CADPS2: variants seen among roughly 807,000 people sequenced by gnomAD.
CADPS2 encodes calcium dependent secretion activator 2, also known as calcium-dependent secretion activator 2.
Under a neutral mutation model 172.5 loss-of-function variants are expected in CADPS2, and 93 were observed. That is an observed-to-expected ratio of 0.54 (90% CI 0.46 to 0.64). CADPS2 has a LOEUF of 0.64. Among genes scored for constraint, CADPS2 ranks in the 30% least tolerant of loss-of-function variants. CADPS2 has a pLI of 0.00. For missense variants in CADPS2, 1,420 were observed against 1,565.9 expected (o/e 0.91, Z 1.57); for synonymous variants, 546 against 555.2 (o/e 0.98, Z 0.23).
At chr7:122,751,463 G>A (rs2092951507) in intron 1 of CADPS2, among the ~76,000 whole-genome samples, 1 of 152,136 alleles carries the variant, frequency 6.6e-6, no homozygotes, top group Non-Finnish European at 1.5e-5. Flanking sequence ...TCCTTCACCT[G>A]ATATCCAGGA....
At position 122,588,121 on chromosome 7, in the gene CADPS2, G is replaced by A. The variant is rs138888258; in HGVS notation, c.1224-6831C>T. Among the ~76,000 whole-genome samples, 94 of 151,868 alleles carry A rather than the reference G, an allele frequency of 6.2e-4. 1 individual carries two copies. The East Asian group carries it at 0.013, about 21-fold the overall frequency. ...AGATTCTGGATATTAGACCTTGCTC[G>A]AATGGATGGATTGCAACGATTTTCT... On this transcript the variant is annotated intron_variant, in intron 6 of 29. Transcript: ENST00000449022.
intron 2 of CADPS2, among the ~76,000 whole-genome samples, chr7:122,704,787 G>A (rs1025349724): frequency 6.6e-6 from 1 of 151,944 alleles, no homozygotes; most frequent in African/African-American, 2.4e-5. Context: ...CAACTTGGGG[G>A]CAATTTTGCC....
At chr7:122,732,687 T>C (rs972495188) in intron 2 of CADPS2, among the ~76,000 whole-genome samples, 41 of 145,080 alleles carry the variant, frequency 2.8e-4, no homozygotes, top group African/African-American at 9.7e-4. Flanking sequence ...AATAAATACA[T>C]ATATTTACAT....
chr7:122,409,958 T>C (rs1330183324), intron 19 of CADPS2, among the ~76,000 whole-genome samples: 3 of 152,186 alleles, frequency 2.0e-5, no homozygotes, highest in Middle Eastern at 3.2e-3. Context: ...CACTAATTAG[T>C]GTAAATGAGA....
intron 17 of CADPS2, among the ~76,000 whole-genome samples, chr7:122,423,073 C>T (rs1029673552): frequency 6.6e-6 from 1 of 152,206 alleles, no homozygotes; most frequent in Non-Finnish European, 1.5e-5. Context: ...TGAATCTTAA[C>T]TCTGATATCA....
At chr7:122,345,310 G>T (rs187740980) in intron 28 of CADPS2, among the ~76,000 whole-genome samples, 21 of 151,956 alleles carry the variant, frequency 1.4e-4, no homozygotes, top group African/African-American at 4.6e-4. Flanking sequence ...ATTTTTTCTT[G>T]TATTTTTAGT....
chr7:122,476,753 T>C (rs2056660824), intron 12 of CADPS2, among the ~76,000 whole-genome samples: 1 of 152,152 alleles, frequency 6.6e-6, no homozygotes, highest in Non-Finnish European at 1.5e-5. Context: ...ATTGTAATTT[T>C]ATGAAAGTGA....
intron 14 of CADPS2, among the ~76,000 whole-genome samples, chr7:122,466,013 TG>T (rs1351084709): frequency 6.6e-6 from 1 of 152,198 alleles, no homozygotes; most frequent in Non-Finnish European, 1.5e-5. Context: ...AAAAACTTAC[TG>T]TGTTAAAAAT....
At chr7:122,788,761 G>A (rs1478053350) in intron 1 of CADPS2, among the ~76,000 whole-genome samples, 2 of 152,158 alleles carry the variant, frequency 1.3e-5, no homozygotes, top group African/African-American at 2.4e-5. Context: ...TTAGGTTCAA[G>A]CAAAGCTTTA....
chr7:122,532,302 T>G (rs1162626844), intron 8 of CADPS2, among the ~76,000 whole-genome samples: 6 of 152,176 alleles, frequency 3.9e-5, no homozygotes, highest in Non-Finnish European at 1.5e-5. Context: ...GTCTTCAGGC[T>G]CATCTATTTA....
intron 1 of CADPS2, among the ~76,000 whole-genome samples, chr7:122,796,884 A>G (rs1220936035): frequency 6.6e-6 from 1 of 152,180 alleles, no homozygotes; most frequent in Non-Finnish European, 1.5e-5. Context: ...TAACTCAACT[A>G]AACAGCCTCT....
At chr7:122,410,291 C>A (rs2047144717) in intron 19 of CADPS2, among the ~76,000 whole-genome samples, 1 of 151,976 alleles carries the variant, frequency 6.6e-6, no homozygotes, top group Admixed American at 6.6e-5. Flanking sequence ...TTGCAGTAAG[C>A]CAAGATCGCG....
intron 8 of CADPS2, among the ~76,000 whole-genome samples, chr7:122,543,059 A>G (rs2063263015): frequency 6.6e-6 from 1 of 151,620 alleles, no homozygotes; most frequent in Non-Finnish European, 1.5e-5. Context: ...GGAAGAATAA[A>G]GTAAGTTATT....
At chr7:122,502,546 G>GTA (rs1285543602) in intron 9 of CADPS2, among the ~76,000 whole-genome samples, 1 of 151,812 alleles carries the variant, frequency 6.6e-6, no homozygotes, top group Non-Finnish European at 1.5e-5. Context: ...TTCACTGGCT[G>GTA]TATATAACAT....
chr7:122,390,421 T>C (rs910972376), intron 22 of CADPS2, among the ~76,000 whole-genome samples: 5 of 152,058 alleles, frequency 3.3e-5, no homozygotes, highest in East Asian at 1.9e-4. Flanking sequence ...CTGAATACAA[T>C]TGGCAAAGAA....
intron 1 of CADPS2, among the ~76,000 whole-genome samples, chr7:122,825,617 T>C (rs1239853993): frequency 1.3e-5 from 2 of 152,208 alleles, no homozygotes; most frequent in East Asian, 1.9e-4. Flanking sequence ...ATATATCTTA[T>C]TATATATTGT....
intron 2 of CADPS2, among the ~76,000 whole-genome samples, chr7:122,689,443 T>C (rs1009655228): frequency 2.6e-5 from 4 of 152,226 alleles, no homozygotes; most frequent in Admixed American, 6.5e-5. Flanking sequence ...CTGTGTGCTC[T>C]GCAAGGGCTG....
At chr7:122,399,994 C>G (rs1051822740) in intron 20 of CADPS2, among the ~76,000 whole-genome samples, 1 of 151,342 alleles carries the variant, frequency 6.6e-6, no homozygotes, top group African/African-American at 2.4e-5. Flanking sequence ...TTCTTGATGC[C>G]CATGGTTTTC....
chr7:122,672,177 CAAT>C (rs746508549), intron 2 of CADPS2, among the ~76,000 whole-genome samples: 1 of 152,184 alleles, frequency 6.6e-6, no homozygotes, highest in African/African-American at 2.4e-5. Context: ...ATGAAACTAA[CAAT>C]GATGGGTTTA....
Sources: gnomAD v4.1 joint callset for allele counts (sites outside exome capture counted in the v4.1 genomes callset) on GRCh38, gnomAD v4.1.1 for gene constraint, MANE v1.5 for transcripts, NCBI Gene and HGNC (gene_info 2026-07-23, HGNC 2026-07-21) for gene names.